SELENOT: variants seen among roughly 807,000 people sequenced by gnomAD.
The protein encoded by SELENOT is thioredoxin reductase-like selenoprotein T.
SELENOT carries 9 observed loss-of-function variants against 24.3 expected under a neutral mutation model. That is an observed-to-expected ratio of 0.37 (90% CI 0.22 to 0.65). The LOEUF (loss-of-function observed/expected upper bound fraction) is 0.65. Among genes scored for constraint, SELENOT ranks in the 30% least tolerant of loss-of-function variants. The pLI, the probability that SELENOT is intolerant of heterozygous loss-of-function variation, is 0.60. For missense variants in SELENOT, 166 were observed against 247.6 expected (o/e 0.67, Z 2.21); for synonymous variants, 81 against 86.0 (o/e 0.94, Z 0.32).
At chr3:150,606,750 G>A (rs921571455) in intron 1 of SELENOT, among the ~76,000 whole-genome samples, 6 of 151,950 alleles carry the variant, frequency 3.9e-5, no homozygotes, top group African/African-American at 1.5e-4. Flanking sequence ...GCACCACCAC[G>A]CCTGGCTAAT....
At chr3:150,625,088 C>T (rs1261915750) in intron 4 of SELENOT, among the ~76,000 whole-genome samples, 189 bp downstream of exon 4, 3 of 150,618 alleles carry the variant, frequency 2.0e-5, no homozygotes, top group Admixed American at 6.6e-5. Flanking sequence ...TTAATTTGCT[C>T]CCTCAACTTA....
At chr3:150,623,523 T>C (rs1314541231) in intron 3 of SELENOT, among the ~76,000 whole-genome samples, 1 of 152,104 alleles carries the variant, frequency 6.6e-6, no homozygotes, top group Non-Finnish European at 1.5e-5. Context: ...TTTAAACCAA[T>C]TAATGTCATA....
chr3:150,604,631 C>T (rs2868945), intron 1 of SELENOT, among the ~76,000 whole-genome samples: 131,876 of 152,206 alleles, frequency 0.87, 57,309 homozygotes, highest in East Asian at 1. Flanking sequence ...ACCAAGCAAA[C>T]CTTTAAAATA....
At chr3:150,604,654 C>T (rs910540809) in intron 1 of SELENOT, among the ~76,000 whole-genome samples, 3 of 152,150 alleles carry the variant, frequency 2.0e-5, no homozygotes, top group Non-Finnish European at 4.4e-5. Flanking sequence ...TTTTAAAAAT[C>T]GGCTTAAGGT....
chr3:150,613,094 G>A (rs1199920947), intron 1 of SELENOT, among the ~76,000 whole-genome samples: 1 of 152,122 alleles, frequency 6.6e-6, no homozygotes, highest in African/African-American at 2.4e-5. Context: ...GTCATAGTTT[G>A]GTGTTGCTAT....
chr3:150,604,311 G>A (rs960486640), intron 1 of SELENOT, among the ~76,000 whole-genome samples: 2 of 152,112 alleles, frequency 1.3e-5, no homozygotes, highest in Non-Finnish European at 2.9e-5. Flanking sequence ...TTAGAAGCAG[G>A]GCAATGATGC....
intron 1 of SELENOT, among the ~76,000 whole-genome samples, chr3:150,619,425 A>G (rs543983226): frequency 2.2e-4 from 34 of 151,818 alleles, no homozygotes; most frequent in African/African-American, 8.0e-4. Flanking sequence ...AATCCCAGCT[A>G]TTCAGGAGAC....
At chr3:150,606,150 CTT>C (rs34860334) in intron 1 of SELENOT, among the ~76,000 whole-genome samples, 66 of 128,012 alleles carry the variant, frequency 5.2e-4, no homozygotes, top group Non-Finnish European at 6.7e-4. Context: ...TTCTTTCTTC[CTT>C]TTTTTTTTTT....
At chr3:150,617,383 T>C (rs547682396) in intron 1 of SELENOT, among the ~76,000 whole-genome samples, 123 of 152,256 alleles carry the variant, frequency 8.1e-4, no homozygotes, top group African/African-American at 2.9e-3. Context: ...GGAGGATCAC[T>C]TGAGGCCAGG....
chr3:150,606,086 AAGCTTGTAGAGT>A (rs1004833890), intron 1 of SELENOT, among the ~76,000 whole-genome samples: 1 of 151,896 alleles, frequency 6.6e-6, no homozygotes, highest in Non-Finnish European at 1.5e-5. Context: ...CTGAGAGATC[AAGCTTGTAGAGT>A]AGCTTACGAC....
chr3:150,619,826 T>A (rs1272740657), intron 1 of SELENOT, among the ~76,000 whole-genome samples: 1 of 152,200 alleles, frequency 6.6e-6, no homozygotes, highest in African/African-American at 2.4e-5. Context: ...TAGTGATTGC[T>A]GCTTCACAAC....
intron 4 of SELENOT, 42 bp downstream of exon 4, chr3:150,624,941 G>T (rs763795314): frequency 5.7e-6 from 6 of 1,049,312 alleles, no homozygotes; most frequent in South Asian, 1.6e-5. Flanking sequence ...GATTTTAAAT[G>T]ATTTATAATG....
At chr3:150,613,802 G>C (rs1289730438) in intron 1 of SELENOT, among the ~76,000 whole-genome samples, 1 of 149,852 alleles carries the variant, frequency 6.7e-6, no homozygotes, top group East Asian at 2.0e-4. Context: ...TTGGCCACTT[G>C]ATTGATTCAC....
At chr3:150,623,201 G>T in intron 3 of SELENOT, 32 bp downstream of exon 3, 1 of 1,529,676 alleles carries the variant, frequency 6.5e-7, no homozygotes. Context: ...GTAACTGTAG[G>T]TTTTTATGTT....
intron 3 of SELENOT, among the ~76,000 whole-genome samples, chr3:150,623,805 T>G (rs1726387481): frequency 6.6e-6 from 1 of 152,100 alleles, no homozygotes. Context: ...TAAAAATGAT[T>G]TTAATCATTG....
chr3:150,626,982 T>G (rs756799876), intron 4 of SELENOT, 28 bp from the exon 5 acceptor site: 11 of 1,601,614 alleles, frequency 6.9e-6, no homozygotes, highest in Non-Finnish European at 9.4e-6. Flanking sequence ...TTTAATTTTT[T>G]GGGGGGCGGT....
In SELENOT at chr3:150,622,403, G is replaced by A; in HGVS notation, c.156G>A (p.Arg52=). The A allele has an allele frequency of 6.8e-7, 1 of 1,466,540 alleles. No individual in the cohort carries two copies. 90.8% of individuals were successfully genotyped at this position (1,466,540 alleles called of 1,614,324 possible). A position where few individuals can be genotyped will look rare whatever the true frequency, so the allele number is the denominator to read the frequency against. ...TCTGCAGTGTTTCCTGAGGTTATAGGCGGGTGTTTGAGGAGTACATGCGGG... is the reference window on the plus strand; with the variant it reads ...TCTGCAGTGTTTCCTGAGGTTATAGACGGGTGTTTGAGGAGTACATGCGGG... ...KFQICVSUGY[R]RVFEEYMRVI... The change falls in exon 2 of 6, where the codon AGG becomes AGA. Residue 52 remains arginine, a synonymous_variant. Transcript: ENST00000471696.
At chr3:150,606,628 T>A (rs1372062350) in intron 1 of SELENOT, among the ~76,000 whole-genome samples, 1 of 152,232 alleles carries the variant, frequency 6.6e-6, no homozygotes, top group Non-Finnish European at 1.5e-5. Context: ...AGTGTTGCTT[T>A]GTTGCCCAAG....
At position 150,630,069 on chromosome 3, in the gene SELENOT, T is replaced by C. The variant is rs1481794721; in HGVS notation, c.*2440T>C. On this transcript the variant is annotated 3_prime_UTR_variant, in exon 6 of 6. Transcript: ENST00000471696. ...TGGTTTTATACCTCAGTGTATAAGA[T>C]GTGCAAGACAAATATGCTTATTTCC... The C allele has an allele frequency of 1.3e-5, 2 of 152,628 alleles. No individual in the cohort carries two copies. The highest frequency in any genetic ancestry group is 3.9e-4 in the East Asian group (2 of 5,184). 9.5% of individuals were successfully genotyped at this position (152,628 alleles called of 1,614,324 possible).
Sources: gnomAD v4.1 joint callset for allele counts (sites outside exome capture counted in the v4.1 genomes callset) on GRCh38, gnomAD v4.1.1 for gene constraint, MANE v1.5 for transcripts, NCBI Gene and HGNC (gene_info 2026-07-23, HGNC 2026-07-21) for gene names.